KMT5B: variants seen among roughly 807,000 people sequenced by gnomAD.
KMT5B encodes lysine methyltransferase 5B.
A neutral mutation model predicts 83.2 loss-of-function variants in KMT5B; 10 were observed. The observed-to-expected ratio is 0.12, with a 90% confidence interval of 0.07 to 0.20. The LOEUF is 0.20. Ranked by LOEUF, KMT5B falls within the 10% of genes least tolerant of loss-of-function variation. The pLI is 1.00. For synonymous variants in KMT5B, 349 were observed against 388.8 expected (o/e 0.90, Z 1.20); for missense variants, 753 against 1,067.2 (o/e 0.71, Z 4.10).
chr11:68,179,102 A>G (rs192300383), intron 4 of KMT5B, among the ~76,000 whole-genome samples: 1 of 152,238 alleles, frequency 6.6e-6, no homozygotes, highest in African/African-American at 2.4e-5. Context: ...CATGGTTAGA[A>G]GAGGATTTGA....
At chr11:68,206,298 T>G (rs1427230424) in intron 1 of KMT5B, among the ~76,000 whole-genome samples, 1 of 152,240 alleles carries the variant, frequency 6.6e-6, no homozygotes, top group East Asian at 1.9e-4. Context: ...TTCACGGTTC[T>G]AGAAACAGAT....
chr11:68,203,775 A>G (rs528977331), intron 1 of KMT5B, among the ~76,000 whole-genome samples: 11 of 152,292 alleles, frequency 7.2e-5, no homozygotes, highest in African/African-American at 2.6e-4. Flanking sequence ...ATGAAAAGAG[A>G]AAGGCCTCAG....
At position 68,206,603 on chromosome 11, in the gene KMT5B, G is replaced by T. The variant is rs80030421; in HGVS notation, c.-77+6535C>A. ...AGCAGACGAGTTATTTAACTTCACCGATGCCCCACCAGTACAATGAAAAGA... is the reference window on the plus strand; with the variant it reads ...AGCAGACGAGTTATTTAACTTCACCTATGCCCCACCAGTACAATGAAAAGA... On this transcript the variant is annotated intron_variant, in intron 1 of 10. Transcript: ENST00000304363. Among the ~76,000 whole-genome samples the T allele has an allele frequency of 5.6e-3, 846 of 152,206 alleles. 11 individuals carry two copies. The highest frequency in any genetic ancestry group is 0.039 in the East Asian group (200 of 5,180).
intron 4 of KMT5B, among the ~76,000 whole-genome samples, chr11:68,178,495 C>T (rs1461284070): frequency 2.0e-5 from 3 of 152,200 alleles, no homozygotes; most frequent in East Asian, 1.9e-4. Context: ...GAAACTATCC[C>T]TTGCTACCAA....
intron 3 of KMT5B, among the ~76,000 whole-genome samples, chr11:68,183,321 AAAAAG>A (rs371956463): frequency 0.015 from 2,255 of 152,172 alleles, 37 homozygotes; most frequent in Middle Eastern, 0.092. Flanking sequence ...ATGGGCAAAA[AAAAAG>A]AAAAGAAAAG....
chr11:68,198,638 T>A (rs887264131), intron 1 of KMT5B, among the ~76,000 whole-genome samples: 7 of 152,166 alleles, frequency 4.6e-5, no homozygotes, highest in African/African-American at 1.7e-4. Flanking sequence ...GCTGACACAC[T>A]CTGAGCTAAT....
At chr11:68,170,933 A>G in intron 9 of KMT5B, 82 bp downstream of exon 9, 2 of 1,403,438 alleles carry the variant, frequency 1.4e-6, no homozygotes, top group South Asian at 1.4e-5. Flanking sequence ...TTTAAACAAC[A>G]AAGAGATAAT....
rs139308612 is a variant in KMT5B, at chr11:68,166,885, A to T, written c.1174+97T>A. Reference sequence around the variant, plus strand: ...AAGCTCACAAGTCCCAGTCTCTCTGAGTATTTAAAAGTTTAAAACTACTGA... The same window carrying T: ...AAGCTCACAAGTCCCAGTCTCTCTGTGTATTTAAAAGTTTAAAACTACTGA... On this transcript the variant is annotated intron_variant, in intron 10 of 10. Coordinates refer to ENST00000304363, the MANE Select transcript of KMT5B (RefSeq NM_017635.5). 4.7e-5 allele frequency: 71 copies of T among 1,521,874 alleles called. 1 individual carries two copies. In the African/African-American group the frequency reaches 8.8e-4, roughly 19 times the overall value. 94.3% of individuals were successfully genotyped at this position (1,521,874 alleles called of 1,614,324 possible). A position where few individuals can be genotyped will look rare whatever the true frequency, so the allele number is the denominator to read the frequency against.
chr11:68,197,327 T>G (rs568103586), intron 1 of KMT5B, among the ~76,000 whole-genome samples: 12 of 152,272 alleles, frequency 7.9e-5, no homozygotes, highest in African/African-American at 2.2e-4. Flanking sequence ...AGCAGAAAAT[T>G]TGGGGATGAG....
Position 68,173,788 on chromosome 11 carries a change from CTAG to C in KMT5B, c.653+13_653+15del. On this transcript the variant is annotated intron_variant, in intron 6 of 10. Transcript: ENST00000304363. ...CTTTAAATTAAATTAAAGGCTTATACTAGTAGAATAGTTACCACTCTTTTGTTG... is the reference window on the plus strand; with the variant it reads ...CTTTAAATTAAATTAAAGGCTTATACTAGAATAGTTACCACTCTTTTGTTG... 7.1e-7 allele frequency: 1 copy of C among 1,408,476 alleles called. No individual in the cohort carries two copies. Among genetic ancestry groups the C allele is most frequent in the Non-Finnish European group, 9.9e-7 (1 of 1,008,020 alleles). 87.2% of individuals were successfully genotyped at this position (1,408,476 alleles called of 1,614,324 possible).
At chr11:68,185,957 C>G in intron 2 of KMT5B, 29 bp from the exon 3 acceptor site, 1 of 1,558,088 alleles carries the variant, frequency 6.4e-7, no homozygotes, top group Non-Finnish European at 8.7e-7. Context: ...AGAAAAATTA[C>G]TCAAATTGAA....
At chr11:68,206,041 G>A (rs1431873298) in intron 1 of KMT5B, among the ~76,000 whole-genome samples, 4 of 152,086 alleles carry the variant, frequency 2.6e-5, no homozygotes, top group Non-Finnish European at 5.9e-5. Flanking sequence ...CATTCAATAC[G>A]TATTTACGAC....
At position 68,171,312 on chromosome 11, in the gene KMT5B, T is replaced by C. The variant is rs1334765258; in HGVS notation, c.821-61A>G. ...TTGATAAGATCTGAAACACGAACAA[T>C]TATAGAAATCTGAAATAAGCTTTCC... On this transcript the variant is annotated intron_variant, in intron 7 of 10. Coordinates refer to ENST00000304363, the MANE Select transcript of KMT5B (RefSeq NM_017635.5). This position sits in a 1 kb window ranked among gnomAD's most constrained non-coding sequence, Gnocchi z 5.1. The C allele has an allele frequency of 1.3e-6, 2 of 1,576,816 alleles. No homozygotes were observed. Among genetic ancestry groups the C allele is most frequent in the Non-Finnish European group, 1.7e-6 (2 of 1,154,382 alleles).
intron 10 of KMT5B, chr11:68,166,081 G>T: frequency 6.6e-7 from 1 of 1,511,836 alleles, no homozygotes; most frequent in Non-Finnish European, 8.8e-7. Flanking sequence ...GCCAACAAAG[G>T]CATACTTTCG....
At chr11:68,207,910 G>C (rs987740194) in intron 1 of KMT5B, among the ~76,000 whole-genome samples, 2 of 150,470 alleles carry the variant, frequency 1.3e-5, no homozygotes, top group Non-Finnish European at 3.0e-5. Flanking sequence ...CACGATCTCT[G>C]CTCACTGCAA....
chr11:68,168,713 C>G lies in KMT5B; in HGVS notation c.978-1535G>C, dbSNP rs574081459. Among the ~76,000 whole-genome samples the G allele has an allele frequency of 5.3e-5, 8 of 152,302 alleles. No individual in the cohort carries two copies. In the South Asian group the frequency reaches 1.7e-3, roughly 32 times the overall value. On this transcript the variant is annotated intron_variant, in intron 9 of 10. Coordinates refer to ENST00000304363, the MANE Select transcript of KMT5B (RefSeq NM_017635.5). ...AATTACTACTGTCAGTACAGTGTAG[C>G]AGAGAAACATGCTTCAAATGTATCC... is the stretch of plus-strand genomic sequence containing the variant.
chr11:68,165,962 G>A (rs753351812), intron 10 of KMT5B: 2 of 1,612,782 alleles, frequency 1.2e-6, no homozygotes, highest in Non-Finnish European at 1.7e-6. Flanking sequence ...TAGTGGAAGA[G>A]AGCACCCAGT....
At chr11:68,181,099 G>C (rs1352253201) in intron 3 of KMT5B, among the ~76,000 whole-genome samples, 1 of 145,988 alleles carries the variant, frequency 6.8e-6, no homozygotes, top group Non-Finnish European at 1.5e-5. Context: ...TTTGGAGATA[G>C]AGTCTCACTC....
intron 1 of KMT5B, among the ~76,000 whole-genome samples, chr11:68,196,358 C>T (rs1235136517): frequency 6.6e-6 from 1 of 151,174 alleles, no homozygotes; most frequent in Non-Finnish European, 1.5e-5. Flanking sequence ...TGCTATAAAA[C>T]TTAAGTGAAA....
Sources: allele counts gnomAD v4.1 joint callset (sites outside exome capture counted in the v4.1 genomes callset), GRCh38; gene constraint gnomAD v4.1.1; non-coding constraint Gnocchi (gnomAD v3.1); transcripts MANE v1.5; gene names NCBI Gene and HGNC (gene_info 2026-07-23, HGNC 2026-07-21).